The following SOAT2 variants were observed in gnomAD, a reference collection of about 807,000 sequenced individuals.
SOAT2 encodes the protein ACAT-2.
SOAT2 carries 87 observed loss-of-function variants against 76.0 expected under a neutral mutation model. The ratio of observed to expected loss-of-function variants is 1.14; its 90% confidence interval spans 0.96 to 1.37. SOAT2 has a LOEUF of 1.37. Ranked by LOEUF, SOAT2 falls within the 40% of genes most tolerant of loss-of-function variation. SOAT2 has a pLI of 0.00. For missense variants in SOAT2, 686 were observed against 682.1 expected (o/e 1.01, Z -0.06); for synonymous variants, 285 against 275.4 (o/e 1.03, Z -0.34).
Position 53,123,759 on chromosome 12 carries a change from C to T in SOAT2, c.1404C>T (p.Arg468=), listed in dbSNP as rs374337854. 5 of 1,614,044 alleles carry T rather than the reference C, an allele frequency of 3.1e-6. No individual in the cohort carries two copies. Among genetic ancestry groups the T allele is most frequent in the Non-Finnish European group, 8.5e-7 (1 of 1,180,040 alleles). ...TGAACTTCATGATGCATGACCAGCG[C>T]ACCGGCCCGGCATGGAACGTGCTGA... is the stretch of plus-strand genomic sequence containing the variant. ...GMLNFMMHDQ[R]TGPAWNVLMW... is the part of the protein sequence containing the mutation. The change falls in exon 14 of 15, where the codon CGC becomes CGT. Residue 468 remains arginine, a synonymous_variant. Transcript: ENST00000301466.
rs749683847 is a variant in SOAT2 at position 53,123,145 on chromosome 12, A to G, written c.1301A>G (p.His434Arg). The G allele has an allele frequency of 4.3e-6, 7 of 1,613,942 alleles. No individual in the cohort carries two copies. In the South Asian group the frequency reaches 5.5e-5, roughly 13 times the overall value. ...LGVFLVSAVA[H>R]EYIFCFVLGF... is the part of the protein sequence containing the mutation. ...GTGTTCCTGGTCTCCGCAGTGGCCC[A>G]TGAGTATATCTTCTGCTTCGTCCTG... is the stretch of plus-strand genomic sequence containing the variant. Residue 434 changes from histidine (H) to arginine (R), a missense_variant, in exon 13 of 15, where the codon CAT becomes CGT. Coordinates refer to ENST00000301466, the MANE Select transcript of SOAT2 (RefSeq NM_003578.4).
rs752066400 is a variant in SOAT2 at position 53,105,244 on chromosome 12, G to T, written c.275+1G>T. On this transcript the variant is annotated splice_donor_variant, in intron 3 of 14. Coordinates refer to ENST00000301466, the MANE Select transcript of SOAT2 (RefSeq NM_003578.4). LOFTEE classifies it high-confidence loss of function. The stretch of plus-strand genomic sequence containing the variant: ...CACCTCCCCCAGGTTCCTTGAGCAG[G>T]TGAGTCTGGGGAATGGCTGCGCGGG... 3.1e-6 allele frequency: 5 copies of T among 1,602,842 alleles called. No homozygotes were observed. Among genetic ancestry groups the T allele is most frequent in the East Asian group, 2.3e-5 (1 of 44,362 alleles).
rs369267840 is a variant in SOAT2, at chr12:53,115,582, C to T, written c.636C>T (p.Cys212=). Reference sequence around the variant, plus strand: ...TAGCCGCCCACGCCGTGGTGCTCTGCGCGCTGCCGGTCCACGTGGCCGTGG... The same window carrying T: ...TAGCCGCCCACGCCGTGGTGCTCTGTGCGCTGCCGGTCCACGTGGCCGTGG... The part of the protein sequence containing the change: ...ALLAAHAVVL[C]ALPVHVAVEH... The change falls in exon 6 of 15, where the codon TGC becomes TGT. Residue 212 remains cysteine (C), a synonymous_variant. Transcript: ENST00000301466. 2.5e-5 allele frequency: 39 copies of T among 1,581,112 alleles called. No individual in the cohort carries two copies. In the Middle Eastern group the frequency reaches 8.5e-4, roughly 34 times the overall value.
intron 5 of SOAT2, among the ~76,000 whole-genome samples, chr12:53,112,659 G>C (rs1336300486): frequency 6.6e-6 from 1 of 151,624 alleles, no homozygotes; most frequent in Admixed American, 6.6e-5. Context: ...TACACATCTT[G>C]GATGTTATCT....
intron 5 of SOAT2, among the ~76,000 whole-genome samples, chr12:53,108,335 C>T (rs892403642): frequency 2.6e-5 from 4 of 152,098 alleles, no homozygotes; most frequent in African/African-American, 4.8e-5. Context: ...AAGTCAAGTT[C>T]GATTCCTTAA....
In SOAT2 at chr12:53,115,556, C is replaced by T. The variant is rs3219200; in HGVS notation, c.610C>T (p.Leu204=). The T allele has an allele frequency of 0.12, 198,827 of 1,592,614 alleles. 15,208 individuals carry two copies. Among genetic ancestry groups the T allele is most frequent in the African/African-American group, 0.36 (27,093 of 74,732 alleles). ...TQATGLGCAL[L]AAHAVVLCAL... Reference sequence around the variant, plus strand: ...GGCGACGGGCCTGGGCTGTGCGCTGCTAGCCGCCCACGCCGTGGTGCTCTG... The same window carrying T: ...GGCGACGGGCCTGGGCTGTGCGCTGTTAGCCGCCCACGCCGTGGTGCTCTG... The change falls in exon 6 of 15, where the codon CTA becomes TTA. Residue 204 remains leucine, a synonymous_variant. Transcript: ENST00000301466.
At chr12:53,107,621 A>ATTTTTTTTTTTT (rs1565625989) in intron 5 of SOAT2, among the ~76,000 whole-genome samples, 1 of 122,354 alleles carries the variant, frequency 8.2e-6, no homozygotes, top group Non-Finnish European at 1.7e-5. Context: ...CAACAGATGT[A>ATTTTTTTTTTTT]CTTTTTTTTT....
chr12:53,115,139 A>T (rs1311939600), intron 5 of SOAT2, among the ~76,000 whole-genome samples: 1 of 152,254 alleles, frequency 6.6e-6, no homozygotes, highest in Admixed American at 6.5e-5. Context: ...TATATAGAGT[A>T]CTGAGCCCTT....
intron 10 of SOAT2, 102 bp from the exon 11 acceptor site, chr12:53,120,684 G>A (rs1294215801): frequency 1.3e-6 from 1 of 764,116 alleles, no homozygotes; most frequent in African/African-American, 1.7e-5. Context: ...TAAGAGTTGG[G>A]GCCCTGGTTT....
At chr12:53,109,104 G>A (rs1455219671) in intron 5 of SOAT2, among the ~76,000 whole-genome samples, 1 of 152,134 alleles carries the variant, frequency 6.6e-6, no homozygotes, top group Non-Finnish European at 1.5e-5. Context: ...GAGCATGGTG[G>A]CGCATGCCTG....
rs754616626 is a variant in SOAT2 at position 53,115,393 on chromosome 12, G to C, written c.447G>C (p.Leu149=). 6.2e-7 allele frequency: 1 copy of C among 1,600,650 alleles called. No homozygotes were observed. ...GTCTCTCCTTCCCCACTCCAAGGCT[G>C]CTGCTGGAGTTTGACCTACTGATCT... The part of the protein sequence containing the change: ...LAIDFIDEGR[L]LLEFDLLIFS... The change falls in exon 6 of 15, where the codon CTG becomes CTC. Residue 149 remains leucine (L), a synonymous_variant. Transcript: ENST00000301466.
At position 53,118,342 on chromosome 12, in the gene SOAT2, C is replaced by T; in HGVS notation, c.779-8C>T. 1 of 1,597,500 alleles carries T rather than the reference C, an allele frequency of 6.3e-7. No homozygotes were observed. The highest frequency in any genetic ancestry group is 8.6e-7 in the Non-Finnish European group (1 of 1,166,868). ...CCTTACTAATCCACCCCTCTCATTC[C>T]TCCCCAGGTGAGGGGATCCAGGCCC... On this transcript the variant is annotated splice_region_variant and splice_polypyrimidine_tract_variant and intron_variant, in intron 7 of 14. Coordinates refer to ENST00000301466, the MANE Select transcript of SOAT2 (RefSeq NM_003578.4).
rs1235642287 is a variant in SOAT2, at chr12:53,115,498, C to A, written c.552C>A (p.Ala184=). Residue 184 remains alanine, a synonymous_variant, in exon 6 of 15, where the codon GCC becomes GCA. Coordinates refer to ENST00000301466, the MANE Select transcript of SOAT2 (RefSeq NM_003578.4). ...CCACCCTGTTGGCGCCGTACCAGGC[C>A]CTACGGCTGTGGGCCAGGGGCACCT... The part of the protein sequence containing the change: ...FLSTLLAPYQ[A]LRLWARGTWT... 2 of 1,609,912 alleles carry A rather than the reference C, an allele frequency of 1.2e-6. No individual in the cohort carries two copies. The highest frequency in any genetic ancestry group is 4.5e-5 in the East Asian group (2 of 44,880).
At chr12:53,105,342 C>T in intron 3 of SOAT2, 99 bp downstream of exon 3, 1 of 1,426,036 alleles carries the variant, frequency 7.0e-7, no homozygotes, top group Non-Finnish European at 9.5e-7. Flanking sequence ...AGGACCGTGA[C>T]TCCAGCCTTC....
At chr12:53,110,754 G>A (rs1167385221) in intron 5 of SOAT2, among the ~76,000 whole-genome samples, 1 of 152,062 alleles carries the variant, frequency 6.6e-6, no homozygotes, top group East Asian at 1.9e-4. Context: ...AAAGCATTTA[G>A]CAAACCTAAT....
rs773033784 is a variant in SOAT2 at position 53,124,137 on chromosome 12, C to T, written c.*14C>T. On this transcript the variant is annotated 3_prime_UTR_variant, in exon 15 of 15. Transcript: ENST00000301466. ...TGCCATACCTAGAGGTCGGGACAGA[C>T]GACGCTACCTGCCCAGACACCACCA... 3.2e-5 allele frequency: 52 copies of T among 1,614,016 alleles called. No homozygotes were observed. The highest frequency in any genetic ancestry group is 2.7e-4 in the Admixed American group (16 of 60,014).
At chr12:53,118,271 A>C (rs1592278893) in intron 7 of SOAT2, 79 bp from the exon 8 acceptor site, 15 of 326,572 alleles carry the variant, frequency 4.6e-5, no homozygotes, top group Middle Eastern at 4.4e-4. Flanking sequence ...CACCAATCCC[A>C]CCACCCTTCC....
intron 7 of SOAT2, 21 bp from the exon 8 acceptor site, chr12:53,118,329 A>G: frequency 6.4e-7 from 1 of 1,553,914 alleles, no homozygotes; most frequent in South Asian, 1.1e-5. Flanking sequence ...TTACTAATCC[A>G]CCCCTCTCAT....
At chr12:53,123,045 G>T in intron 12 of SOAT2, 36 bp from the exon 13 acceptor site, 1 of 1,578,748 alleles carries the variant, frequency 6.3e-7, no homozygotes, top group South Asian at 1.2e-5. Context: ...GGAGCTCAGG[G>T]AGACTTACTC....
Sources: gnomAD v4.1 joint callset for allele counts (sites outside exome capture counted in the v4.1 genomes callset) on GRCh38, gnomAD v4.1.1 for gene constraint, MANE v1.5 for transcripts, NCBI Gene and HGNC (gene_info 2026-07-23, HGNC 2026-07-21) for gene names.